Variants in GABRA2 observed in about 807,000 individuals in gnomAD.
GABRA2 encodes the protein gamma-aminobutyric acid receptor subunit alpha-2.
Under a neutral mutation model 48.7 loss-of-function variants are expected in GABRA2, and 16 were observed. The ratio of observed to expected loss-of-function variants is 0.33; its 90% CI spans 0.22 to 0.50. The LOEUF (loss-of-function observed/expected upper bound fraction) is 0.50. GABRA2 is among the 20% of genes least tolerant of loss of function. The pLI, the probability that GABRA2 is intolerant of heterozygous loss-of-function variation, is 0.98. For missense variants in GABRA2, 275 were observed against 535.6 expected (o/e 0.51, Z 4.80); for synonymous variants, 185 against 184.5 (o/e 1.00, Z -0.02).
At chr4:46,294,681 GA>G (rs1724302803) in intron 8 of GABRA2, among the ~76,000 whole-genome samples, 1 of 152,298 alleles carries the variant, frequency 6.6e-6, no homozygotes, top group East Asian at 1.9e-4. Flanking sequence ...CCCCATAGGT[GA>G]ACCCCAATGG....
At chr4:46,305,354 G>A (rs1399313947) in intron 7 of GABRA2, among the ~76,000 whole-genome samples, 1 of 150,882 alleles carries the variant, frequency 6.6e-6, no homozygotes, top group Non-Finnish European at 1.5e-5. Context: ...CATGGCACAT[G>A]TATACATATG....
chr4:46,341,133 T>A lies in GABRA2; in HGVS notation c.188-8451A>T, dbSNP rs115508639. ...ATTCTCTTTCGGAGAGATATTGTTT[T>A]TATACTTTCCTTTTATTATTTAGAC... On this transcript the variant is annotated intron_variant, in intron 3 of 9. Coordinates refer to ENST00000381620, the MANE Select transcript of GABRA2 (RefSeq NM_000807.4). Among the ~76,000 whole-genome samples the A allele has an allele frequency of 6.1e-3, 929 of 152,128 alleles. 12 individuals carry two copies. Among genetic ancestry groups the A allele is most frequent in the African/African-American group, 0.021 (892 of 41,550 alleles).
At chr4:46,346,665 A>G (rs2109881834) in intron 3 of GABRA2, among the ~76,000 whole-genome samples, 1 of 149,922 alleles carries the variant, frequency 6.7e-6, no homozygotes, top group South Asian at 2.1e-4. Flanking sequence ...GTTTACATTT[A>G]TTTTTCCAAA....
At position 46,377,729 on chromosome 4, in the gene GABRA2, T is replaced by TG. The variant is rs67360509; in HGVS notation, c.187+8344dup. ...CCAGCCTCCCCGTCCGGGAGGGAGGTGGGGGGGGTCAGCCCCCCGCCCGGC... is the reference window on the plus strand; with the variant it reads ...CCAGCCTCCCCGTCCGGGAGGGAGGTGGGGGGGGGTCAGCCCCCCGCCCGGC... On this transcript the variant is annotated intron_variant, in intron 3 of 9. Transcript: ENST00000381620. Among the ~76,000 whole-genome samples, 28 of 83,180 alleles carry TG rather than the reference T, an allele frequency of 3.4e-4. 1 individual carries two copies. In the East Asian group the frequency reaches 4.6e-3, roughly 14 times the overall value. 54.6% of individuals were successfully genotyped at this position (83,180 alleles called of 152,430 possible). A position where few individuals can be genotyped will look rare whatever the true frequency, so the allele number is the denominator to read the frequency against.
Position 46,246,573 on chromosome 4 carries a change from A to G in GABRA2, c.*3735T>C, listed in dbSNP as rs1014150052. ...AATTAAAAGGAAAATGAATGGCACT[A>G]TAGGGTAGCAATGAGTCAGGTAGTA... On this transcript the variant is annotated 3_prime_UTR_variant, in exon 10 of 10. Coordinates refer to ENST00000381620, the MANE Select transcript of GABRA2 (RefSeq NM_000807.4). Among the ~76,000 whole-genome samples, 1 of 151,188 alleles carries G rather than the reference A, an allele frequency of 6.6e-6. No individual in the cohort carries two copies. Among genetic ancestry groups the G allele is most frequent in the African/African-American group, 2.4e-5 (1 of 41,340 alleles).
rs2109675963 is a variant in GABRA2 at position 46,310,239 on chromosome 4, C to T, written c.493G>A (p.Glu165Lys). 1 of 1,613,634 alleles carries T rather than the reference C, an allele frequency of 6.2e-7. No individual in the cohort carries two copies. The highest frequency in any genetic ancestry group is 8.5e-7 in the Non-Finnish European group (1 of 1,179,676). Residue 165 changes from glutamate to lysine, a missense_variant, in exon 6 of 10, where the codon GAA (glutamate) becomes AAA (lysine). Around this residue, in one of 4 missense-constraint regions of GABRA2, gnomAD observed 113 missense variants for 257.1 expected, o/e 0.44. Coordinates refer to ENST00000381620, the MANE Select transcript of GABRA2 (RefSeq NM_000807.4). Reference sequence around the variant, plus strand: ...AAATCCTCCAAGTGCATTGGGCATTCAGCTTGAACTGTAAGCCTAAAAGTC... The same window carrying T: ...AAATCCTCCAAGTGCATTGGGCATTTAGCTTGAACTGTAAGCCTAAAAGTC... The part of the protein sequence containing the change: ...LYTMRLTVQA[E>K]CPMHLEDFPM...
chr4:46,309,427 AG>A (rs1442848620), intron 6 of GABRA2, among the ~76,000 whole-genome samples: 11 of 152,114 alleles, frequency 7.2e-5, no homozygotes, highest in Admixed American at 2.6e-4. Flanking sequence ...GTCTCTAAAA[AG>A]GTCAGGCAAT....
intron 8 of GABRA2, among the ~76,000 whole-genome samples, chr4:46,290,022 C>T (rs1405472120): frequency 1.3e-5 from 2 of 151,144 alleles, no homozygotes; most frequent in East Asian, 1.9e-4. Context: ...CGCCATTCTC[C>T]TGCCTCAGCC....
chr4:46,285,811 G>C (rs1444139100), intron 8 of GABRA2, among the ~76,000 whole-genome samples: 4 of 151,136 alleles, frequency 2.6e-5, no homozygotes, highest in Non-Finnish European at 5.9e-5. Context: ...TTTCACATTT[G>C]GCCATACCTA....
At chr4:46,280,868 C>T (rs1281724518) in intron 8 of GABRA2, among the ~76,000 whole-genome samples, 2 of 152,124 alleles carry the variant, frequency 1.3e-5, no homozygotes, top group Non-Finnish European at 2.9e-5. Flanking sequence ...AGCTCACTTG[C>T]TCTCTTTCTG....
intron 4 of GABRA2, among the ~76,000 whole-genome samples, chr4:46,324,040 C>A (rs533057495): frequency 6.6e-6 from 1 of 151,798 alleles, no homozygotes; most frequent in Admixed American, 6.6e-5. Flanking sequence ...CCCTCTGTCT[C>A]GCCTCCTCTC....
intron 8 of GABRA2, among the ~76,000 whole-genome samples, chr4:46,267,491 A>C (rs1405421958): frequency 1.3e-5 from 2 of 151,952 alleles, no homozygotes; most frequent in Non-Finnish European, 2.9e-5. Context: ...TTTTTTCCTG[A>C]AAATGGGTTA....
chr4:46,321,148 CACTT>C (rs985587245), intron 4 of GABRA2, among the ~76,000 whole-genome samples: 63 of 151,936 alleles, frequency 4.1e-4, no homozygotes, highest in African/African-American at 1.5e-3. Context: ...TGCATGATCT[CACTT>C]ACATGTGGAA....
intron 8 of GABRA2, among the ~76,000 whole-genome samples, chr4:46,275,984 G>C (rs746048459): frequency 2.0e-5 from 3 of 152,036 alleles, no homozygotes; most frequent in Non-Finnish European, 2.9e-5. Flanking sequence ...TTACTATCTA[G>C]TGATAACCTT....
intron 3 of GABRA2, among the ~76,000 whole-genome samples, chr4:46,371,036 A>G (rs1714804983): frequency 6.6e-6 from 1 of 152,120 alleles, no homozygotes; most frequent in Non-Finnish European, 1.5e-5. Flanking sequence ...CCAAGATCAC[A>G]CAGCTTTTAT....
At chr4:46,287,202 G>A (rs1383953819) in intron 8 of GABRA2, among the ~76,000 whole-genome samples, 1 of 152,138 alleles carries the variant, frequency 6.6e-6, no homozygotes, top group East Asian at 1.9e-4. Flanking sequence ...AGCATCATTT[G>A]ATAAAGAGAT....
intron 9 of GABRA2, among the ~76,000 whole-genome samples, chr4:46,250,929 A>G (rs540868184): frequency 5.9e-5 from 9 of 151,708 alleles, no homozygotes; most frequent in African/African-American, 2.2e-4. Context: ...TATTTGTCAA[A>G]TGAATGACTG....
At chr4:46,337,974 A>G (rs1732547451) in intron 3 of GABRA2, among the ~76,000 whole-genome samples, 1 of 152,020 alleles carries the variant, frequency 6.6e-6, no homozygotes, top group South Asian at 2.1e-4. Context: ...AAACTTTCCA[A>G]ACAAAAATTT....
chr4:46,345,199 T>C (rs1733938869), intron 3 of GABRA2, among the ~76,000 whole-genome samples: 1 of 151,918 alleles, frequency 6.6e-6, no homozygotes, highest in African/African-American at 2.4e-5. Flanking sequence ...TGATTTTAAG[T>C]TTTCTGAGGC....
Sources: allele counts gnomAD v4.1 joint callset (sites outside exome capture counted in the v4.1 genomes callset), GRCh38; gene constraint gnomAD v4.1.1; regional missense constraint gnomAD v4.1.1; transcripts MANE v1.5; gene names NCBI Gene and HGNC (gene_info 2026-07-23, HGNC 2026-07-21).